PCCA: variants seen among roughly 807,000 people sequenced by gnomAD.
PCCA encodes the protein propionyl-CoA carboxylase alpha chain, mitochondrial.
In PCCA, 74 loss-of-function variants were observed where a neutral mutation model predicts 101.3. That is an observed-to-expected ratio of 0.73 (90% confidence interval 0.61 to 0.89). The LOEUF is 0.89. PCCA is among the 40% of genes least tolerant of loss of function. The pLI is 0.00. For synonymous variants in PCCA, 294 were observed against 313.6 expected (o/e 0.94, Z 0.66); for missense variants, 891 against 907.0 (o/e 0.98, Z 0.23).
intron 6 of PCCA, among the ~76,000 whole-genome samples, chr13:100,166,743 G>T (rs2055082020): frequency 6.6e-6 from 1 of 152,136 alleles, no homozygotes; most frequent in African/African-American, 2.4e-5. Flanking sequence ...TGAACAAGTA[G>T]TTATGTGGGC....
At chr13:100,096,538 C>T (rs909566280) in intron 1 of PCCA, among the ~76,000 whole-genome samples, 1 of 152,168 alleles carries the variant, frequency 6.6e-6, no homozygotes, top group Non-Finnish European at 1.5e-5. Flanking sequence ...ACACATCTCT[C>T]ACTTTGAATC....
intron 21 of PCCA, chr13:100,466,220 G>A (rs2082506888): frequency 6.6e-6 from 1 of 152,224 alleles, no homozygotes; most frequent in Admixed American, 6.5e-5. Flanking sequence ...ATATTAGAGT[G>A]TGATAAGCAT....
chr13:100,363,369 T>C (rs1043448817), intron 18 of PCCA, among the ~76,000 whole-genome samples: 3 of 152,146 alleles, frequency 2.0e-5, no homozygotes, highest in African/African-American at 4.8e-5. Flanking sequence ...CCTTTTTTTT[T>C]TCTGATCATT....
At chr13:100,232,266 A>G (rs2060517671) in intron 7 of PCCA, among the ~76,000 whole-genome samples, 1 of 151,316 alleles carries the variant, frequency 6.6e-6, no homozygotes, top group Non-Finnish European at 1.5e-5. Context: ...GGATTTTTAT[A>G]TGTGTGGTTC....
chr13:100,420,853 C>A (rs559684110), intron 19 of PCCA, among the ~76,000 whole-genome samples: 38 of 152,102 alleles, frequency 2.5e-4, no homozygotes, highest in African/African-American at 9.2e-4. Flanking sequence ...AGTGAAAGGT[C>A]TGAAGTGGTT....
chr13:100,172,400 A>ATG (rs1213207219), intron 6 of PCCA, among the ~76,000 whole-genome samples: 7 of 152,152 alleles, frequency 4.6e-5, no homozygotes, highest in African/African-American at 1.7e-4. Flanking sequence ...ATGAAAGATC[A>ATG]TAAATTGATT....
intron 21 of PCCA, among the ~76,000 whole-genome samples, chr13:100,455,760 T>G (rs2081660856): frequency 6.6e-6 from 1 of 152,070 alleles, no homozygotes; most frequent in Non-Finnish European, 1.5e-5. Context: ...TGTGCAGTAG[T>G]GCAGTCTTGG....
At chr13:100,278,711 C>A (rs999998547) in intron 12 of PCCA, among the ~76,000 whole-genome samples, 1 of 152,138 alleles carries the variant, frequency 6.6e-6, no homozygotes, top group Non-Finnish European at 1.5e-5. Context: ...GTTTCTTGAC[C>A]TTGTGATCCA....
chr13:100,283,988 C>T (rs566489919), intron 12 of PCCA, among the ~76,000 whole-genome samples: 242 of 152,268 alleles, frequency 1.6e-3, no homozygotes, highest in South Asian at 1.0e-2. Flanking sequence ...TGAGGGTGCC[C>T]GGGGCAAGCG....
In PCCA at chr13:100,377,000, G is replaced by C. The variant is rs181878373; in HGVS notation, c.1746+8426G>C. Among the ~76,000 whole-genome samples the C allele has an allele frequency of 8.5e-5, 13 of 152,302 alleles. No individual in the cohort carries two copies. The East Asian group carries it at 1.5e-3, about 18-fold the overall frequency. On this transcript the variant is annotated intron_variant, in intron 19 of 23. Coordinates refer to ENST00000376285, the MANE Select transcript of PCCA (RefSeq NM_000282.4). ...GACCGTGGGAAACGCTTAGTATCTG[G>C]GCTGAATAGCACTGCCCCTCCCTCA...
chr13:100,279,113 C>A (rs1244959396), intron 12 of PCCA, among the ~76,000 whole-genome samples: 2 of 152,156 alleles, frequency 1.3e-5, no homozygotes, highest in East Asian at 3.9e-4. Flanking sequence ...TAGCAAACGT[C>A]CCAAGGTCTC....
intron 21 of PCCA, among the ~76,000 whole-genome samples, chr13:100,479,148 AG>A (rs1157830348): frequency 5.9e-5 from 9 of 152,214 alleles, no homozygotes; most frequent in African/African-American, 1.9e-4. Flanking sequence ...CTGGGAAAAA[AG>A]GTCATGTTAT....
At chr13:100,473,910 A>G (rs2083217341) in intron 21 of PCCA, among the ~76,000 whole-genome samples, 1 of 152,246 alleles carries the variant, frequency 6.6e-6, no homozygotes, top group South Asian at 2.1e-4. Context: ...TTGTGCTGCC[A>G]CAGGCACAGT....
At chr13:100,132,616 T>C (rs1211821906) in intron 4 of PCCA, among the ~76,000 whole-genome samples, 1 of 152,242 alleles carries the variant, frequency 6.6e-6, no homozygotes, top group East Asian at 1.9e-4. Flanking sequence ...AGAACTGTTG[T>C]AAACATTTGT....
Position 100,400,630 on chromosome 13 carries a change from C to CTTTTTTTTT in PCCA, c.1747-24994_1747-24986dup, listed in dbSNP as rs1281449669. ...TGATTGATCTTAGTTCTTTTTAGTT[C>CTTTTTTTTT]TTTTTTTTTTTTTTTTTGAGAGTTT... On this transcript the variant is annotated intron_variant, in intron 19 of 23. Transcript: ENST00000376285. Among the ~76,000 whole-genome samples, 186 of 90,942 alleles carry CTTTTTTTTT rather than the reference C, an allele frequency of 2.0e-3. 5 individuals are homozygous for CTTTTTTTTT. The highest frequency in any genetic ancestry group is 9.6e-3 in the African/African-American group (179 of 18,614). 59.7% of individuals were successfully genotyped at this position (90,942 alleles called of 152,430 possible). A position where few individuals can be genotyped will look rare whatever the true frequency, so the allele number is the denominator to read the frequency against.
At chr13:100,414,958 CAT>C (rs1233663805) in intron 19 of PCCA, among the ~76,000 whole-genome samples, 1 of 152,154 alleles carries the variant, frequency 6.6e-6, no homozygotes, top group African/African-American at 2.4e-5. Context: ...TTGCTTTTCA[CAT>C]GTGAACTTAA....
rs143508254 is a variant in PCCA at position 100,410,395 on chromosome 13, G to A, written c.1747-15238G>A. ...GTAGCTGCGACTACAGGTACATGCC[G>A]TGATGCCCAGCTAATTTTTGTATTT... On this transcript the variant is annotated intron_variant, in intron 19 of 23. Coordinates refer to ENST00000376285, the MANE Select transcript of PCCA (RefSeq NM_000282.4). 3.7e-4 allele frequency among the ~76,000 whole-genome samples: 57 copies of A among 152,024 alleles called. No homozygotes were observed. In the East Asian group the frequency reaches 1.0e-2, roughly 27 times the overall value.
chr13:100,334,849 A>G (rs1190102922), intron 17 of PCCA, among the ~76,000 whole-genome samples: 8 of 152,210 alleles, frequency 5.3e-5, no homozygotes, highest in Non-Finnish European at 1.2e-4. Flanking sequence ...GAAATGAAGG[A>G]TAACTTTGAA....
intron 8 of PCCA, among the ~76,000 whole-genome samples, chr13:100,244,173 A>G (rs1566783553): frequency 1.3e-5 from 2 of 152,354 alleles, no homozygotes; most frequent in African/African-American, 2.4e-5. Flanking sequence ...CCTAAGGAAA[A>G]GTTATGTTAA....
Sources: allele counts gnomAD v4.1 joint callset (sites outside exome capture counted in the v4.1 genomes callset), GRCh38; gene constraint gnomAD v4.1.1; transcripts MANE v1.5; gene names NCBI Gene and HGNC (gene_info 2026-07-23, HGNC 2026-07-21).